UROS: variants seen among roughly 807,000 people sequenced by gnomAD.
UROS encodes uroporphyrinogen III synthase.
A neutral mutation model predicts 33.0 loss-of-function variants in UROS; 18 were observed. The ratio of observed to expected loss-of-function variants is 0.55; its 90% CI spans 0.38 to 0.81. The LOEUF (loss-of-function observed/expected upper bound fraction) is 0.81. Among genes scored for constraint, UROS ranks in the 30% least tolerant of loss-of-function variants. UROS has a pLI of 0.00. For missense variants in UROS, 293 were observed against 314.9 expected (o/e 0.93, Z 0.53); for synonymous variants, 114 against 121.1 (o/e 0.94, Z 0.38).
chr10:125,808,144 C>T (rs1852495425), intron 5 of UROS, among the ~76,000 whole-genome samples: 1 of 152,202 alleles, frequency 6.6e-6, no homozygotes, highest in Non-Finnish European at 1.5e-5. Context: ...GCTCCCCCTG[C>T]ACTTTTCCAG....
intron 5 of UROS, 117 bp from the exon 6 acceptor site, chr10:125,807,604 G>T: frequency 1.3e-6 from 1 of 799,180 alleles, no homozygotes; most frequent in Non-Finnish European, 2.1e-6. Context: ...CATAGAGGAT[G>T]TCTTTTCTTG....
intron 5 of UROS, among the ~76,000 whole-genome samples, chr10:125,810,963 T>A (rs1440189578): frequency 1.3e-5 from 2 of 152,234 alleles, no homozygotes; most frequent in African/African-American, 4.8e-5. Flanking sequence ...CACAACTGAA[T>A]AAACAGGGAC....
intron 9 of UROS, among the ~76,000 whole-genome samples, chr10:125,791,248 C>A (rs1023543553): frequency 2.0e-5 from 3 of 152,126 alleles, no homozygotes; most frequent in African/African-American, 7.2e-5. Flanking sequence ...AGATGCTCAA[C>A]ACTGTTAGTC....
intron 3 of UROS, among the ~76,000 whole-genome samples, chr10:125,815,863 T>G (rs1046617131): frequency 2.6e-5 from 4 of 151,562 alleles, no homozygotes; most frequent in Admixed American, 6.6e-5. Context: ...AAGTTGGGGG[T>G]GAGGGGTAGA....
chr10:125,814,625 C>G (rs890526376), intron 4 of UROS, among the ~76,000 whole-genome samples: 3 of 152,202 alleles, frequency 2.0e-5, no homozygotes, highest in African/African-American at 7.2e-5. Flanking sequence ...CATTTTCATA[C>G]TGTTCTAATA....
At chr10:125,803,007 T>C in intron 6 of UROS, 2 of 1,612,938 alleles carry the variant, frequency 1.2e-6, no homozygotes, top group Non-Finnish European at 1.7e-6. Context: ...CTTCAAAAGA[T>C]TCCTTTGACT....
intron 6 of UROS, among the ~76,000 whole-genome samples, chr10:125,801,267 C>T (rs956475244): frequency 2.6e-5 from 4 of 152,144 alleles, no homozygotes; most frequent in African/African-American, 9.7e-5. Context: ...ATCTTTCTGC[C>T]CACACAGTTT....
rs1852296504 is a variant in UROS at position 125,805,994 on chromosome 10, AGAC to A, written c.394+1416_394+1418del. ...GACTGCTCACTGCCGCCCCCAACCC[AGAC>A]GACTCTGTCAGGGGCCTAATTAAGC... is the stretch of plus-strand genomic sequence containing the variant. On this transcript the variant is annotated intron_variant, in intron 6 of 9. Transcript: ENST00000368797. Among the ~76,000 whole-genome samples, 4 of 152,182 alleles carry A rather than the reference AGAC, an allele frequency of 2.6e-5. 1 individual carries two copies. In the South Asian group the frequency reaches 8.3e-4, roughly 31 times the overall value.
chr10:125,815,105 C>A lies in UROS; in HGVS notation c.173G>T (p.Gly58Val), dbSNP rs1221386515. Residue 58 changes from glycine (G) to valine (V), a missense_variant, in exon 4 of 10, where the codon GGA becomes GTA. Physicochemically the swap from Gly to Val is moderately radical, Grantham distance 109. Coordinates refer to ENST00000368797, the MANE Select transcript of UROS (RefSeq NM_000375.3). ...TGCTCTGGGGCTGGTAAAAATGAGT[C>A]CCCCGTAATCTTCAGGATGAGAAAG... ...EKLSHPEDYG[G>V]LIFTSPRAVE... 6.2e-6 allele frequency: 10 copies of A among 1,614,022 alleles called. No homozygotes were observed. The highest frequency in any genetic ancestry group is 1.7e-5 in the Admixed American group (1 of 60,000).
chr10:125,821,150 G>T (rs1464455405), intron 1 of UROS, among the ~76,000 whole-genome samples: 1 of 152,132 alleles, frequency 6.6e-6, no homozygotes, highest in African/African-American at 2.4e-5. Context: ...ATACCCCAAA[G>T]AATTGAAAGC....
chr10:125,821,121 CA>C lies in UROS; in HGVS notation c.-27+1907del, dbSNP rs543071558. On this transcript the variant is annotated intron_variant, in intron 1 of 9. Transcript: ENST00000368797. Reference sequence around the variant, plus strand: ...AACATAGAATTACCATATGATCTAGCAATTCCCCTGCTACATATATACCCCA... The same window carrying C: ...AACATAGAATTACCATATGATCTAGCATTCCCCTGCTACATATATACCCCA... 1.2e-4 allele frequency among the ~76,000 whole-genome samples: 18 copies of C among 152,304 alleles called. No homozygotes were observed. In the South Asian group the frequency reaches 3.7e-3, roughly 32 times the overall value.
chr10:125,802,231 T>C (rs1313498553), intron 6 of UROS: 3 of 985,412 alleles, frequency 3.0e-6, no homozygotes, highest in Non-Finnish European at 3.6e-6. Context: ...CACACTGATG[T>C]GTGGCTCCAT....
intron 5 of UROS, among the ~76,000 whole-genome samples, chr10:125,807,898 A>G (rs1206856939): frequency 6.6e-6 from 1 of 152,230 alleles, no homozygotes; most frequent in Non-Finnish European, 1.5e-5. Flanking sequence ...TTTTTGCAGG[A>G]ATCGGCATTA....
At chr10:125,802,173 A>G in intron 6 of UROS, 1 of 985,538 alleles carries the variant, frequency 1.0e-6, no homozygotes, top group Non-Finnish European at 1.2e-6. Context: ...CTGGAGCCAG[A>G]CAAGACCCAT....
At chr10:125,814,469 A>C (rs1853119759) in intron 4 of UROS, among the ~76,000 whole-genome samples, 1 of 152,220 alleles carries the variant, frequency 6.6e-6, no homozygotes. Context: ...ATCTAGGGTT[A>C]AGTGGGGTAA....
chr10:125,801,084 T>A (rs1045682316), intron 6 of UROS, among the ~76,000 whole-genome samples: 2 of 152,194 alleles, frequency 1.3e-5, no homozygotes, highest in Non-Finnish European at 2.9e-5. Context: ...TAACAATGAC[T>A]TCCCCCTCTC....
intron 6 of UROS, among the ~76,000 whole-genome samples, chr10:125,804,581 G>A (rs921328821): frequency 7.2e-5 from 11 of 152,140 alleles, no homozygotes; most frequent in Non-Finnish European, 1.2e-4. Context: ...TCTAAAGTGG[G>A]GGACAGTTTG....
intron 1 of UROS, 51 bp from the exon 2 acceptor site, chr10:125,816,576 T>C: frequency 6.3e-7 from 1 of 1,584,680 alleles, no homozygotes; most frequent in Non-Finnish European, 8.7e-7. Flanking sequence ...AGACTCTTCC[T>C]AAGCAATTTC....
At chr10:125,801,834 T>C (rs991027973) in intron 6 of UROS, among the ~76,000 whole-genome samples, 1 of 152,252 alleles carries the variant, frequency 6.6e-6, no homozygotes, top group African/African-American at 2.4e-5. Flanking sequence ...TGATCTCTTC[T>C]GTCTTGTGTT....
Sources: gnomAD v4.1 joint callset for allele counts (sites outside exome capture counted in the v4.1 genomes callset) on GRCh38, gnomAD v4.1.1 for gene constraint, MANE v1.5 for transcripts, NCBI Gene and HGNC (gene_info 2026-07-23, HGNC 2026-07-21) for gene names.